XKR4: variants seen among roughly 807,000 people sequenced by gnomAD.
XKR4 encodes XK related 4.
In XKR4, 12 loss-of-function variants were observed where a neutral mutation model predicts 53.9. That is an observed-to-expected ratio of 0.22 (90% CI 0.14 to 0.36). The LOEUF (loss-of-function observed/expected upper bound fraction) is 0.36, where lower values mean the gene tolerates loss of function less well. XKR4 is among the 10% of genes least tolerant of loss of function. The probability of loss-of-function intolerance (pLI) is 1.00; values close to 1 mark genes in which losing one functional copy is unlikely to be tolerated. For missense variants in XKR4, 799 were observed against 859.5 expected, an observed-to-expected ratio of 0.93 and a Z score of 0.88; for synonymous variants, 354 against 362.4, an observed-to-expected ratio of 0.98 and a Z score of 0.26.
chr8:55,138,448 G>C (rs1457910819), intron 1 of XKR4, among the ~76,000 whole-genome samples: 1 of 152,164 alleles, frequency 6.6e-6, no homozygotes, highest in Non-Finnish European at 1.5e-5. Flanking sequence ...AAAGTATTTA[G>C]AGAATCATCT....
At chr8:55,125,236 T>C (rs1305265122) in intron 1 of XKR4, among the ~76,000 whole-genome samples, 2 of 152,206 alleles carry the variant, frequency 1.3e-5, no homozygotes, top group African/African-American at 2.4e-5. Context: ...TTTTCTTTTT[T>C]CTTTTTTTCT....
chr8:55,409,952 C>T (rs747630005), intron 2 of XKR4, among the ~76,000 whole-genome samples: 1 of 152,150 alleles, frequency 6.6e-6, no homozygotes, highest in African/African-American at 2.4e-5. Flanking sequence ...TAATTGACTG[C>T]TCCCAGCTAC....
intron 2 of XKR4, among the ~76,000 whole-genome samples, chr8:55,487,297 A>G (rs1233404681): frequency 6.6e-6 from 1 of 152,168 alleles, no homozygotes; most frequent in African/African-American, 2.4e-5. Context: ...ACCAATTCAC[A>G]TTCTTTATTT....
In XKR4 at chr8:55,174,982, G is replaced by A. The variant is rs569012773; in HGVS notation, c.806+71688G>A. Among the ~76,000 whole-genome samples the A allele has an allele frequency of 2.6e-5, 4 of 152,312 alleles. No individual in the cohort carries two copies. The East Asian group carries it at 7.7e-4, about 29-fold the overall frequency. ...AGACAATCAAAGGAGATGTGATGGA[G>A]GTCAGCTACCACTGAAAGAAAGGAA... On this transcript the variant is annotated intron_variant, in intron 1 of 2. Transcript: ENST00000327381.
At chr8:55,170,143 T>A (rs1245695775) in intron 1 of XKR4, among the ~76,000 whole-genome samples, 1 of 152,186 alleles carries the variant, frequency 6.6e-6, no homozygotes, top group Non-Finnish European at 1.5e-5. Flanking sequence ...GGATTATGCA[T>A]GATGAGCTAG....
At chr8:55,413,556 G>A (rs1167677324) in intron 2 of XKR4, among the ~76,000 whole-genome samples, 3 of 152,200 alleles carry the variant, frequency 2.0e-5, no homozygotes, top group Non-Finnish European at 2.9e-5. Context: ...TTTACTTAAA[G>A]TTTCTTTCTA....
chr8:55,314,466 G>T (rs527795896), intron 1 of XKR4, among the ~76,000 whole-genome samples: 4 of 152,230 alleles, frequency 2.6e-5, no homozygotes, highest in Admixed American at 1.3e-4. Flanking sequence ...GCCACCATTT[G>T]TCCCGACATT....
chr8:55,103,382 G>T (rs1563456883), intron 1 of XKR4, 88 bp downstream of exon 1: 1 of 1,509,830 alleles, frequency 6.6e-7, no homozygotes, highest in South Asian at 1.3e-5. Context: ...TTTCAGGGTT[G>T]CTTTGGTAGT....
At chr8:55,212,735 A>ACAGAAGCAAATCTCGTTAG (rs1817746667) in intron 1 of XKR4, among the ~76,000 whole-genome samples, 1 of 152,196 alleles carries the variant, frequency 6.6e-6, no homozygotes, top group Non-Finnish European at 1.5e-5. Flanking sequence ...TGGAATTCAG[A>ACAGAAGCAAATCTCGTTAG]CAGAAGCAAA....
intron 2 of XKR4, among the ~76,000 whole-genome samples, chr8:55,377,585 G>A (rs1179887782): frequency 6.6e-6 from 1 of 152,056 alleles, no homozygotes; most frequent in African/African-American, 2.4e-5. Context: ...GAGGGAAACA[G>A]GGGAGAGAGA....
chr8:55,358,051 CTGAT>C (rs1563331968), intron 2 of XKR4, among the ~76,000 whole-genome samples, 174 bp downstream of exon 2: 1 of 152,108 alleles, frequency 6.6e-6, no homozygotes, highest in Non-Finnish European at 1.5e-5. Context: ...CTTCTCATGA[CTGAT>C]TAATTGAAAG....
Position 55,103,143 on chromosome 8 carries a change from G to C in XKR4, c.655G>C (p.Ala219Pro). Residue 219 changes from alanine (A) to proline (P), a missense_variant, in exon 1 of 3, where the codon GCC becomes CCC. Around this residue, in one of 3 missense-constraint regions of XKR4, gnomAD observed 476 missense variants for 505.4 expected, o/e 0.94. Coordinates refer to ENST00000327381, the MANE Select transcript of XKR4 (RefSeq NM_052898.2). ...CACGCCGCAAAGGCAAGCATCTAACGCCAGCAAGAGCAACATCGCCGCGGC... is the reference window on the plus strand; with the variant it reads ...CACGCCGCAAAGGCAAGCATCTAACCCCAGCAAGAGCAACATCGCCGCGGC... The part of the protein sequence containing the change: ...PSTPQRQASN[A>P]SKSNIAAANS... 6.2e-7 allele frequency: 1 copy of C among 1,613,946 alleles called. No individual in the cohort carries two copies. Among genetic ancestry groups the C allele is most frequent in the Non-Finnish European group, 8.5e-7 (1 of 1,180,036 alleles).
intron 1 of XKR4, among the ~76,000 whole-genome samples, chr8:55,329,506 A>C (rs1037137823): frequency 6.6e-6 from 1 of 152,154 alleles, no homozygotes; most frequent in Non-Finnish European, 1.5e-5. Flanking sequence ...CCTGGTCTAC[A>C]TAAATATTCT....
At chr8:55,167,413 C>T (rs1036096243) in intron 1 of XKR4, among the ~76,000 whole-genome samples, 7 of 152,112 alleles carry the variant, frequency 4.6e-5, no homozygotes, top group African/African-American at 7.2e-5. Context: ...GCTGTGAAGA[C>T]CTCATGAGTA....
chr8:55,170,949 T>C (rs962389775), intron 1 of XKR4, among the ~76,000 whole-genome samples: 2 of 152,204 alleles, frequency 1.3e-5, no homozygotes, highest in Non-Finnish European at 2.9e-5. Context: ...AACTTTCTGC[T>C]TCCTGTCAGT....
intron 2 of XKR4, among the ~76,000 whole-genome samples, chr8:55,511,533 T>G (rs1318322531): frequency 6.6e-6 from 1 of 152,124 alleles, no homozygotes; most frequent in Non-Finnish European, 1.5e-5. Context: ...CCCTATATTA[T>G]GAGCTGGGCC....
Position 55,169,483 on chromosome 8 carries a change from C to T in XKR4, c.806+66189C>T, listed in dbSNP as rs933584164. Among the ~76,000 whole-genome samples the T allele has an allele frequency of 9.8e-5, 15 of 152,326 alleles. 1 individual carries two copies. The highest frequency in any genetic ancestry group is 3.9e-4 in the East Asian group (2 of 5,188). On this transcript the variant is annotated intron_variant, in intron 1 of 2. Transcript: ENST00000327381. The stretch of plus-strand genomic sequence containing the variant: ...ATCGACTCAATGTTTTCTCCAGGTC[C>T]TGTGTGTTTTTACCTCTCACTTCCA...
At chr8:55,262,174 C>A (rs955541840) in intron 1 of XKR4, among the ~76,000 whole-genome samples, 3 of 152,144 alleles carry the variant, frequency 2.0e-5, no homozygotes, top group Admixed American at 1.3e-4. Context: ...TAAATTAATT[C>A]TTTAATGAAA....
intron 1 of XKR4, among the ~76,000 whole-genome samples, chr8:55,188,812 A>G (rs1486793523): frequency 6.6e-6 from 1 of 152,234 alleles, no homozygotes; most frequent in African/African-American, 2.4e-5. Flanking sequence ...ATAAAATGGC[A>G]ATAATAATCA....
Sources: gnomAD v4.1 joint callset for allele counts (sites outside exome capture counted in the v4.1 genomes callset) on GRCh38, gnomAD v4.1.1 for gene constraint, gnomAD v4.1.1 regional missense constraint, MANE v1.5 for transcripts, NCBI Gene and HGNC (gene_info 2026-07-23, HGNC 2026-07-21) for gene names.